RERE: variants seen among roughly 807,000 people sequenced by gnomAD.
RERE encodes the protein arginine-glutamic acid dipeptide repeats, also known as arginine-glutamic acid dipeptide repeats protein.
RERE carries 40 observed loss-of-function variants against 146.1 expected under a neutral mutation model. The observed-to-expected ratio is 0.27, with a 90% confidence interval of 0.21 to 0.36. The LOEUF is 0.36. Ranked by LOEUF, RERE falls within the 10% of genes least tolerant of loss-of-function variation. The pLI is 1.00. For synonymous variants in RERE, 1,003 were observed against 866.0 expected (o/e 1.16, Z -2.78); for missense variants, 1,933 against 2,138.7 (o/e 0.90, Z 1.90).
At chr1:8,789,184 C>T (rs923762013) in intron 1 of RERE, among the ~76,000 whole-genome samples, 2 of 148,568 alleles carry the variant, frequency 1.3e-5, no homozygotes, top group Non-Finnish European at 3.0e-5. Flanking sequence ...GTGGCTCACA[C>T]CTGTAATCCC....
intron 2 of RERE, among the ~76,000 whole-genome samples, chr1:8,630,504 T>C (rs1039359801): frequency 1.3e-5 from 2 of 152,222 alleles, no homozygotes; most frequent in Non-Finnish European, 1.5e-5. Flanking sequence ...AGGAAATAAC[T>C]CGATTGCCAG....
intron 1 of RERE, among the ~76,000 whole-genome samples, chr1:8,780,208 T>C (rs1641140392): frequency 6.6e-6 from 1 of 152,140 alleles, no homozygotes; most frequent in Non-Finnish European, 1.5e-5. Context: ...GACAACCTAT[T>C]TGGGCTCCAG....
chr1:8,441,651 T>C (rs938412685), intron 11 of RERE, among the ~76,000 whole-genome samples: 23 of 152,230 alleles, frequency 1.5e-4, no homozygotes, highest in African/African-American at 5.3e-4. Flanking sequence ...ATTATACTTT[T>C]GGCATTATTA....
chr1:8,377,997 T>C (rs1052361603), intron 12 of RERE, among the ~76,000 whole-genome samples: 3 of 152,220 alleles, frequency 2.0e-5, no homozygotes, highest in Non-Finnish European at 4.4e-5. Flanking sequence ...AACACTTCTC[T>C]TATATTTTAT....
At chr1:8,592,513 C>T (rs185854386) in intron 4 of RERE, among the ~76,000 whole-genome samples, 1 of 152,064 alleles carries the variant, frequency 6.6e-6, no homozygotes, top group Non-Finnish European at 1.5e-5. Context: ...CTCTAGTGAT[C>T]CACCCGCTTC....
In RERE at chr1:8,656,215, T is replaced by G; in HGVS notation, c.83A>C (p.Lys28Thr). 1 of 1,613,610 alleles carries G rather than the reference T, an allele frequency of 6.2e-7. No homozygotes were observed. The highest frequency in any genetic ancestry group is 8.5e-7 in the Non-Finnish European group (1 of 1,179,518). Residue 28 changes from lysine to threonine, a missense_variant, in exon 2 of 23, where the codon AAA (lysine) becomes ACA (threonine). Lys to Thr is a moderately conservative substitution (Grantham distance 78). Coordinates refer to ENST00000400908, the MANE Select transcript of RERE (RefSeq NM_001042681.2). ...DRDREREKRD[K>T]ARESENSRPR... ...CCTTGAATTCTCACTCTCTCTTGCT[T>G]TGTCTCTTTTCTCTCTCTCTCGGTC... is the stretch of plus-strand genomic sequence containing the variant.
At position 8,672,437 on chromosome 1, in the gene RERE, A is replaced by G. The variant is rs1307642680; in HGVS notation, c.-144-15996T>C. 2.0e-5 allele frequency among the ~76,000 whole-genome samples: 3 copies of G among 152,200 alleles called. 1 individual carries two copies. The highest frequency in any genetic ancestry group is 6.5e-5 in the Admixed American group (1 of 15,270). On this transcript the variant is annotated intron_variant, in intron 1 of 22. Coordinates refer to ENST00000400908, the MANE Select transcript of RERE (RefSeq NM_001042681.2). ...CAGTCCTCACACCATGGCCTCCCAA[A>G]ATCCTGGGCTACAGGTGTGAGCCAC... is the stretch of plus-strand genomic sequence containing the variant.
chr1:8,479,715 C>A (rs1324002409), intron 10 of RERE, among the ~76,000 whole-genome samples: 2 of 152,176 alleles, frequency 1.3e-5, no homozygotes, highest in Non-Finnish European at 2.9e-5. Context: ...CGGAGAGGTA[C>A]CCCACTGACA....
chr1:8,419,832 C>T (rs1001304322), intron 12 of RERE, among the ~76,000 whole-genome samples: 7 of 152,202 alleles, frequency 4.6e-5, no homozygotes, highest in African/African-American at 9.7e-5. Flanking sequence ...ATCATCACTT[C>T]GTTCTCAGGC....
At chr1:8,402,775 C>T (rs1643307592) in intron 12 of RERE, among the ~76,000 whole-genome samples, 1 of 152,146 alleles carries the variant, frequency 6.6e-6, no homozygotes, top group Non-Finnish European at 1.5e-5. Flanking sequence ...TGAAGCTTGC[C>T]TTCTTTTCCT....
chr1:8,395,147 G>A (rs955588923), intron 12 of RERE, among the ~76,000 whole-genome samples: 5 of 152,066 alleles, frequency 3.3e-5, no homozygotes, highest in Admixed American at 6.6e-5. Flanking sequence ...AATAAATCAA[G>A]TACAAAGAAA....
At chr1:8,796,339 A>G (rs889719325) in intron 1 of RERE, among the ~76,000 whole-genome samples, 2 of 152,348 alleles carry the variant, frequency 1.3e-5, no homozygotes, top group Admixed American at 1.3e-4. Flanking sequence ...TCTTATTCTA[A>G]GTAATCAGGC....
At chr1:8,359,710 C>T (rs1455264803) in intron 19 of RERE, 54 bp downstream of exon 19, 2 of 1,570,514 alleles carry the variant, frequency 1.3e-6, no homozygotes, top group African/African-American at 2.7e-5. Flanking sequence ...GCGTGGCTCC[C>T]AGGCGCAGGA....
intron 1 of RERE, among the ~76,000 whole-genome samples, chr1:8,718,170 G>A (rs1284292204): frequency 6.6e-6 from 1 of 152,210 alleles, no homozygotes; most frequent in Non-Finnish European, 1.5e-5. Flanking sequence ...AAGAACAAGA[G>A]CAAGCACAAT....
intron 7 of RERE, among the ~76,000 whole-genome samples, chr1:8,532,421 G>GA: frequency 6.9e-6 from 1 of 145,752 alleles, no homozygotes; most frequent in Non-Finnish European, 1.5e-5. Flanking sequence ...TTTTATTTGG[G>GA]GGGGGTCCGG....
At chr1:8,763,358 C>T (rs913499963) in intron 1 of RERE, among the ~76,000 whole-genome samples, 2 of 152,168 alleles carry the variant, frequency 1.3e-5, no homozygotes, top group African/African-American at 2.4e-5. Context: ...TCCAGCTGGG[C>T]GCAGTGGCTC....
intron 4 of RERE, among the ~76,000 whole-genome samples, chr1:8,566,782 T>C (rs764790766): frequency 7.3e-6 from 1 of 137,334 alleles, no homozygotes; most frequent in Non-Finnish European, 1.5e-5. Flanking sequence ...TGCTCACAAC[T>C]GGAATAGTAA....
chr1:8,400,853 A>C (rs1347502985), intron 12 of RERE, among the ~76,000 whole-genome samples: 3 of 147,136 alleles, frequency 2.0e-5, no homozygotes, highest in African/African-American at 7.4e-5. Flanking sequence ...AAAAAAAAAA[A>C]AAAAAAACCC....
chr1:8,466,704 C>T (rs1644602818), intron 10 of RERE, among the ~76,000 whole-genome samples: 1 of 152,168 alleles, frequency 6.6e-6, no homozygotes, highest in African/African-American at 2.4e-5. Flanking sequence ...GCTAGTTTTT[C>T]AGTACATATG....
Sources: gnomAD v4.1 joint callset for allele counts (sites outside exome capture counted in the v4.1 genomes callset) on GRCh38, gnomAD v4.1.1 for gene constraint, MANE v1.5 for transcripts, NCBI Gene and HGNC (gene_info 2026-07-23, HGNC 2026-07-21) for gene names.